Variants in PMS1 observed in about 807,000 individuals in gnomAD.
The protein encoded by PMS1 is PMS1 homolog 1, mismatch repair system component.
In PMS1, 79 loss-of-function variants were observed where a neutral mutation model predicts 93.1. The observed-to-expected ratio is 0.85, with a 90% CI of 0.71 to 1.02. PMS1 has a LOEUF of 1.02. Among genes scored for constraint, PMS1 ranks in the 50% least tolerant of loss-of-function variants. The pLI is 0.00. For synonymous variants in PMS1, 335 were observed against 363.4 expected (o/e 0.92, Z 0.89); for missense variants, 1,064 against 1,085.3 (o/e 0.98, Z 0.28).
chr2:189,812,890 G>C (rs1186039125), intron 4 of PMS1, among the ~76,000 whole-genome samples: 4 of 152,208 alleles, frequency 2.6e-5, no homozygotes, highest in Non-Finnish European at 4.4e-5. Flanking sequence ...GTAGGTGTTA[G>C]ATTATGAAGG....
chr2:189,805,422 A>G (rs539040404), intron 3 of PMS1, among the ~76,000 whole-genome samples: 6 of 152,338 alleles, frequency 3.9e-5, no homozygotes, highest in African/African-American at 1.4e-4. Context: ...GAGTGTTTTA[A>G]TAAAGTGAAA....
At chr2:189,786,399 C>T (rs1245847089) in intron 1 of PMS1, among the ~76,000 whole-genome samples, 2 of 152,038 alleles carry the variant, frequency 1.3e-5, no homozygotes, top group Non-Finnish European at 2.9e-5. Flanking sequence ...CGAATGGAGG[C>T]AGTACAAAGA....
At chr2:189,839,390 A>AT (rs2053642987) in intron 5 of PMS1, among the ~76,000 whole-genome samples, 1 of 152,156 alleles carries the variant, frequency 6.6e-6, no homozygotes, top group Non-Finnish European at 1.5e-5. Context: ...TGATCATGGT[A>AT]TTTTCCCAAT....
At position 189,877,449 on chromosome 2, in the gene PMS1, A is replaced by G. The variant is rs1173717993; in HGVS notation, c.*13A>G. 1 of 1,580,494 alleles carries G rather than the reference A, an allele frequency of 6.3e-7. No homozygotes were observed. The highest frequency in any genetic ancestry group is 2.2e-5 in the East Asian group (1 of 44,644). Reference sequence around the variant, plus strand: ...AGAAACTACATGATTAAATATGTTTAAGAAGATTAGTTACCATTGAAATTG... The same window carrying G: ...AGAAACTACATGATTAAATATGTTTGAGAAGATTAGTTACCATTGAAATTG... On this transcript the variant is annotated 3_prime_UTR_variant, in exon 13 of 13. Coordinates refer to ENST00000441310, the MANE Select transcript of PMS1 (RefSeq NM_000534.5).
At chr2:189,815,048 G>A (rs977041044) in intron 4 of PMS1, among the ~76,000 whole-genome samples, 5 of 148,478 alleles carry the variant, frequency 3.4e-5, no homozygotes, top group African/African-American at 5.0e-5. Context: ...GCAGTGAGCC[G>A]AGATCATGCC....
intron 1 of PMS1, among the ~76,000 whole-genome samples, chr2:189,790,327 A>G: frequency 6.6e-6 from 1 of 152,190 alleles, no homozygotes; most frequent in East Asian, 1.9e-4. Context: ...TTATATTATC[A>G]CTTGGTCATT....
chr2:189,875,376 T>C lies in PMS1; in HGVS notation c.2634+1720T>C, dbSNP rs1207829666. Among the ~76,000 whole-genome samples the C allele has an allele frequency of 2.6e-5, 4 of 151,744 alleles. No individual in the cohort carries two copies. In the South Asian group the frequency reaches 8.3e-4, roughly 32 times the overall value. On this transcript the variant is annotated intron_variant, in intron 12 of 12. Coordinates refer to ENST00000441310, the MANE Select transcript of PMS1 (RefSeq NM_000534.5). ...CAGTCAGCCCTCCAGAACCCACATATATGAAAAGTTGGCCCTCCGTATATA... is the reference window on the plus strand; with the variant it reads ...CAGTCAGCCCTCCAGAACCCACATACATGAAAAGTTGGCCCTCCGTATATA...
chr2:189,868,639 T>C (rs1056933027), intron 11 of PMS1, among the ~76,000 whole-genome samples: 7 of 152,152 alleles, frequency 4.6e-5, no homozygotes, highest in African/African-American at 1.4e-4. Context: ...GCCTCTAAAC[T>C]TGTCATGCCC....
chr2:189,825,906 G>A (rs914171136), intron 5 of PMS1, among the ~76,000 whole-genome samples: 1 of 152,088 alleles, frequency 6.6e-6, no homozygotes. Flanking sequence ...TGTCAGCTCC[G>A]AAGTGTTGAA....
rs2106276736 is a variant in PMS1 at position 189,805,645 on chromosome 2, C to T, written c.316-7C>T. 6.2e-7 allele frequency: 1 copy of T among 1,608,520 alleles called. No homozygotes were observed. The highest frequency in any genetic ancestry group is 8.5e-7 in the Non-Finnish European group (1 of 1,175,298). On this transcript the variant is annotated splice_polypyrimidine_tract_variant and splice_region_variant and intron_variant, in intron 3 of 12. Coordinates refer to ENST00000441310, the MANE Select transcript of PMS1 (RefSeq NM_000534.5). The stretch of plus-strand genomic sequence containing the variant: ...TGTTAGTTTTATTAGATGTTTTTTT[C>T]CCCCAGGTTTTAATTACAACAAGAA...
At chr2:189,801,663 G>T (rs1482920702) in intron 3 of PMS1, among the ~76,000 whole-genome samples, 1 of 151,974 alleles carries the variant, frequency 6.6e-6, no homozygotes, top group Non-Finnish European at 1.5e-5. Context: ...GGAGTCAGAA[G>T]CCTAATTCTA....
In PMS1 at chr2:189,843,995, A is replaced by G; in HGVS notation, c.614A>G (p.Asp205Gly). 1 of 1,614,042 alleles carries G rather than the reference A, an allele frequency of 6.2e-7. No individual in the cohort carries two copies. Among genetic ancestry groups the G allele is most frequent in the Non-Finnish European group, 8.5e-7 (1 of 1,179,956 alleles). The change falls in exon 6 of 13, where the codon GAT becomes GGT. Residue 205 changes from aspartate to glycine, a missense_variant. By Grantham distance (94) the Asp-to-Gly change is moderately conservative. Transcript: ENST00000441310. ...ATTTGGCAGAAAAGCAGAGTATCAG[A>G]TCACAAGATGGCTCTCATGTCAGTT... ...AVIWQKSRVS[D>G]HKMALMSVLG...
intron 5 of PMS1, among the ~76,000 whole-genome samples, chr2:189,833,471 A>T (rs535912838): frequency 6.6e-6 from 1 of 152,248 alleles, no homozygotes; most frequent in Non-Finnish European, 1.5e-5. Flanking sequence ...AGTCCCAGCT[A>T]CTCAGGAGGC....
At chr2:189,834,627 T>C (rs2053232979) in intron 5 of PMS1, among the ~76,000 whole-genome samples, 1 of 152,262 alleles carries the variant, frequency 6.6e-6, no homozygotes, top group Admixed American at 6.5e-5. Flanking sequence ...AAATAATCTT[T>C]CTTGTTTTTA....
Position 189,847,315 on chromosome 2 carries a change from C to A in PMS1, c.699+3235C>A, listed in dbSNP as rs187451532. 1.4e-3 allele frequency among the ~76,000 whole-genome samples: 206 copies of A among 152,212 alleles called. 1 individual carries two copies. Among genetic ancestry groups the A allele is most frequent in the African/African-American group, 4.5e-3 (186 of 41,550 alleles). Reference sequence around the variant, plus strand: ...CAGCCCCAGGTTATATACTTCCATCCATTATCACTTCGATAATTTCTATTT... The same window carrying A: ...CAGCCCCAGGTTATATACTTCCATCAATTATCACTTCGATAATTTCTATTT... On this transcript the variant is annotated intron_variant, in intron 6 of 12. Transcript: ENST00000441310.
At chr2:189,877,171 A>C in intron 12 of PMS1, 101 bp from the exon 13 acceptor site, 1 of 973,126 alleles carries the variant, frequency 1.0e-6, no homozygotes, top group Admixed American at 2.0e-5. Context: ...TGAATTCATA[A>C]AATGAAAATA....
At chr2:189,824,636 A>G (rs575317872) in intron 5 of PMS1, among the ~76,000 whole-genome samples, 12 of 152,186 alleles carry the variant, frequency 7.9e-5, no homozygotes, top group Middle Eastern at 3.4e-3. Context: ...TGCAGTTCAA[A>G]TCCTGGAGAG....
chr2:189,816,818 T>A (rs1038290849), intron 4 of PMS1, among the ~76,000 whole-genome samples: 1 of 152,200 alleles, frequency 6.6e-6, no homozygotes, highest in Non-Finnish European at 1.5e-5. Context: ...CTTCAGCCTT[T>A]TTGACTGATT....
chr2:189,875,586 A>G (rs1194994671), intron 12 of PMS1, among the ~76,000 whole-genome samples: 1 of 152,096 alleles, frequency 6.6e-6, no homozygotes, highest in Non-Finnish European at 1.5e-5. Context: ...GTCGTATGAT[A>G]GTGAATAGTG....
Sources: gnomAD v4.1 joint callset for allele counts (sites outside exome capture counted in the v4.1 genomes callset) on GRCh38, gnomAD v4.1.1 for gene constraint, MANE v1.5 for transcripts, NCBI Gene and HGNC (gene_info 2026-07-23, HGNC 2026-07-21) for gene names.